Variants in EFCAB5 observed in about 807,000 individuals in gnomAD.
EFCAB5 encodes EF-hand calcium binding domain 5.
A neutral mutation model predicts 167.9 loss-of-function variants in EFCAB5; 131 were observed. That is an observed-to-expected ratio of 0.78 (90% CI 0.68 to 0.90). The LOEUF (loss-of-function observed/expected upper bound fraction) is 0.90. Among genes scored for constraint, EFCAB5 ranks in the 40% least tolerant of loss-of-function variants. The pLI is 0.00. For synonymous variants in EFCAB5, 574 were observed against 602.8 expected, an observed-to-expected ratio of 0.95 and a Z score of 0.70; for missense variants, 1,663 against 1,745.2, an observed-to-expected ratio of 0.95 and a Z score of 0.84.
intron 14 of EFCAB5, among the ~76,000 whole-genome samples, chr17:30,071,488 G>T (rs533107395): frequency 1.3e-5 from 2 of 151,366 alleles, no homozygotes; most frequent in African/African-American, 4.9e-5. Context: ...TTACTAAAAA[G>T]ACAAAAAATA....
intron 7 of EFCAB5, among the ~76,000 whole-genome samples, chr17:30,014,865 T>C (rs1265458746): frequency 1.3e-5 from 2 of 152,196 alleles, no homozygotes; most frequent in Admixed American, 6.5e-5. Flanking sequence ...TTATGTTGCC[T>C]GTTAGTTGAT....
chr17:30,070,425 A>G (rs1340595800), intron 14 of EFCAB5, among the ~76,000 whole-genome samples: 1 of 152,222 alleles, frequency 6.6e-6, no homozygotes, highest in Admixed American at 6.5e-5. Context: ...GCATCACACT[A>G]TCAGACTTTA....
Position 30,034,317 on chromosome 17 carries a change from G to A in EFCAB5, c.1132G>A (p.Glu378Lys). The change falls in exon 8 of 23, where the codon GAG becomes AAG. Residue 378 changes from glutamate to lysine, a missense_variant. By Grantham distance (56) the Glu-to-Lys change is moderately conservative. Transcript: ENST00000394835. ...TTGCCACTCTGCAGATGAATTTCGG[G>A]AGGTCATAAAAGCTGACATGCGGAG... ...HLCHSADEFR[E>K]VIKADMRRQM... 6.2e-7 allele frequency: 1 copy of A among 1,613,778 alleles called. No homozygotes were observed. Among genetic ancestry groups the A allele is most frequent in the Non-Finnish European group, 8.5e-7 (1 of 1,179,794 alleles).
chr17:30,052,178 T>C (rs2070118714), intron 9 of EFCAB5, among the ~76,000 whole-genome samples: 1 of 152,092 alleles, frequency 6.6e-6, no homozygotes, highest in Non-Finnish European at 1.5e-5. Flanking sequence ...GAATGTCTTT[T>C]TTTTGAGACA....
At chr17:30,020,955 A>G (rs1439215523) in intron 7 of EFCAB5, among the ~76,000 whole-genome samples, 1 of 48,432 alleles carries the variant, frequency 2.1e-5, no homozygotes, top group Non-Finnish European at 3.9e-5. Context: ...TCAGCATGTC[A>G]GAGGAGGAAC....
chr17:29,940,817 A>C (rs1213113523), upstream of EFCAB5, among the ~76,000 whole-genome samples: 9 of 152,114 alleles, frequency 5.9e-5, no homozygotes, highest in Non-Finnish European at 1.2e-4. Context: ...AGGAGGGTGG[A>C]TCACTTGAGG....
intron 8 of EFCAB5, among the ~76,000 whole-genome samples, chr17:30,042,209 A>C (rs1229368043): frequency 6.6e-6 from 1 of 152,048 alleles, no homozygotes; most frequent in African/African-American, 2.4e-5. Context: ...GGGTTTTGCC[A>C]TGTTGGCCAG....
chr17:30,043,891 G>T (rs1045009941), intron 8 of EFCAB5, among the ~76,000 whole-genome samples: 2 of 152,096 alleles, frequency 1.3e-5, no homozygotes, highest in African/African-American at 4.8e-5. Context: ...AATTTGTGTG[G>T]CATTTCAAAG....
chr17:30,052,268 G>A (rs893925792), intron 9 of EFCAB5, among the ~76,000 whole-genome samples: 8 of 152,060 alleles, frequency 5.3e-5, no homozygotes, highest in African/African-American at 1.4e-4. Context: ...AGGTTCAAGC[G>A]ATTCCCCCTG....
At chr17:30,011,004 T>G (rs1360178616) in intron 7 of EFCAB5, among the ~76,000 whole-genome samples, 1 of 152,240 alleles carries the variant, frequency 6.6e-6, no homozygotes, top group African/African-American at 2.4e-5. Flanking sequence ...CAGTTTAAGC[T>G]TTCTACATGT....
chr17:30,061,833 T>C (rs1394334725), intron 14 of EFCAB5, among the ~76,000 whole-genome samples: 1 of 152,134 alleles, frequency 6.6e-6, no homozygotes, highest in African/African-American at 2.4e-5. Flanking sequence ...CTCCCAAAGT[T>C]CTGGGATTAC....
At chr17:29,938,854 C>G (rs1186462109), upstream of EFCAB5, among the ~76,000 whole-genome samples, 1 of 152,176 alleles carries the variant, frequency 6.6e-6, no homozygotes, top group Admixed American at 6.5e-5. Flanking sequence ...CTGGGGCCCT[C>G]AAAGTCATCC....
At position 30,034,347 on chromosome 17, in the gene EFCAB5, ATGT is replaced by A. The variant is rs2069561734; in HGVS notation, c.1164_1166del (p.Met388_Phe389delinsIle). ...CATAAAAGCTGACATGCGGAGGCAGATGTTCGCTGAACTCTTCCTACATTGTGA... is the reference window on the plus strand; with the variant it reads ...CATAAAAGCTGACATGCGGAGGCAGATCGCTGAACTCTTCCTACATTGTGA... On this transcript the variant is annotated inframe_deletion, in exon 8 of 23. Transcript: ENST00000394835. The A allele has an allele frequency of 1.2e-6, 2 of 1,610,732 alleles. No homozygotes were observed. Among genetic ancestry groups the A allele is most frequent in the Non-Finnish European group, 1.7e-6 (2 of 1,178,062 alleles).
At chr17:30,092,620 C>T (rs2071222993) in intron 21 of EFCAB5, among the ~76,000 whole-genome samples, 1 of 152,174 alleles carries the variant, frequency 6.6e-6, no homozygotes, top group African/African-American at 2.4e-5. Context: ...AACTCCTGAC[C>T]TCAGGTGGTC....
At chr17:30,104,757 C>G (rs1007591013) in intron 22 of EFCAB5, among the ~76,000 whole-genome samples, 8 of 151,968 alleles carry the variant, frequency 5.3e-5, no homozygotes, top group Non-Finnish European at 7.4e-5. Flanking sequence ...TAGAGCCGGT[C>G]GTTAACGCAT....
At chr17:30,008,600 A>T (rs1405807470) in intron 7 of EFCAB5, among the ~76,000 whole-genome samples, 1 of 152,008 alleles carries the variant, frequency 6.6e-6, no homozygotes, top group African/African-American at 2.4e-5. Context: ...AAAAAAAAAA[A>T]ATTTTTTTAT....
upstream of EFCAB5, among the ~76,000 whole-genome samples, chr17:29,936,891 C>T: frequency 6.6e-6 from 1 of 152,186 alleles, no homozygotes; most frequent in East Asian, 1.9e-4. Flanking sequence ...TAGCCCTGAG[C>T]AAGACTGTGA....
At chr17:30,085,109 A>G (rs1367621867) in intron 18 of EFCAB5, among the ~76,000 whole-genome samples, 1 of 152,072 alleles carries the variant, frequency 6.6e-6, no homozygotes, top group Non-Finnish European at 1.5e-5. Context: ...TAAATTACCC[A>G]GCTGTGGCAA....
chr17:30,000,116 A>T, intron 7 of EFCAB5, 140 bp downstream of exon 7: 1 of 591,642 alleles, frequency 1.7e-6, no homozygotes, highest in South Asian at 2.9e-5. Context: ...ATGTACTTTA[A>T]AATATTTCAA....
Sources: gnomAD v4.1 joint callset for allele counts (sites outside exome capture counted in the v4.1 genomes callset) on GRCh38, gnomAD v4.1.1 for gene constraint, MANE v1.5 for transcripts, NCBI Gene and HGNC (gene_info 2026-07-23, HGNC 2026-07-21) for gene names.